The following GALNTL6 variants were observed in gnomAD, a reference collection of about 807,000 sequenced individuals.
GALNTL6 encodes polypeptide N-acetylgalactosaminyltransferase like 6, also known as polypeptide N-acetylgalactosaminyltransferase-like 6.
GALNTL6 carries 46 observed loss-of-function variants against 73.7 expected under a neutral mutation model. The ratio of observed to expected loss-of-function variants is 0.62; its 90% CI spans 0.49 to 0.80. The LOEUF is 0.80. GALNTL6 is among the 30% of genes least tolerant of loss of function. GALNTL6 has a pLI of 0.00. For synonymous variants in GALNTL6, 259 were observed against 263.7 expected, an observed-to-expected ratio of 0.98 and a Z score of 0.17; for missense variants, 604 against 755.0, an observed-to-expected ratio of 0.80 and a Z score of 2.34.
intron 2 of GALNTL6, among the ~76,000 whole-genome samples, chr4:171,862,183 T>C (rs6553594): frequency 0.75 from 113,903 of 152,030 alleles, 42,728 homozygotes; most frequent in South Asian, 0.84. Context: ...TCTTCAGAAA[T>C]AAATTAGAAT....
chr4:171,929,198 C>T (rs950795296), intron 2 of GALNTL6, among the ~76,000 whole-genome samples: 2 of 152,092 alleles, frequency 1.3e-5, no homozygotes, highest in Non-Finnish European at 2.9e-5. Flanking sequence ...TCCCAAGTAG[C>T]TGGGACTAGA....
At chr4:172,452,920 G>A (rs938665134) in intron 5 of GALNTL6, among the ~76,000 whole-genome samples, 8 of 152,152 alleles carry the variant, frequency 5.3e-5, no homozygotes, top group Non-Finnish European at 1.0e-4. Flanking sequence ...TAAGATGTGA[G>A]GGCCAGGTGC....
At chr4:172,204,148 G>T (rs1046729855) in intron 2 of GALNTL6, among the ~76,000 whole-genome samples, 1 of 152,136 alleles carries the variant, frequency 6.6e-6, no homozygotes, top group East Asian at 1.9e-4. Flanking sequence ...CAGAAATTGT[G>T]AAGTTTACTA....
At chr4:172,278,085 A>T (rs1465782663) in intron 3 of GALNTL6, among the ~76,000 whole-genome samples, 1 of 152,052 alleles carries the variant, frequency 6.6e-6, no homozygotes, top group Admixed American at 6.6e-5. Flanking sequence ...TCATTCATTG[A>T]TTTATATTAT....
chr4:171,904,919 A>C (rs961033599), intron 2 of GALNTL6, among the ~76,000 whole-genome samples: 3 of 152,138 alleles, frequency 2.0e-5, no homozygotes, highest in Non-Finnish European at 4.4e-5. Context: ...AGGAGAAATA[A>C]AATACTTTAC....
At chr4:172,436,760 AGTT>A (rs1196108465) in intron 5 of GALNTL6, among the ~76,000 whole-genome samples, 2 of 151,882 alleles carry the variant, frequency 1.3e-5, no homozygotes, top group African/African-American at 2.4e-5. Context: ...GTATTTCAGG[AGTT>A]GTTGTCATGT....
chr4:172,435,461 CTG>C (rs531554779), intron 5 of GALNTL6, among the ~76,000 whole-genome samples: 35 of 152,124 alleles, frequency 2.3e-4, no homozygotes, highest in Non-Finnish European at 4.7e-4. Flanking sequence ...GAAATAGGAT[CTG>C]TGAGACGTTG....
At chr4:172,300,808 C>G (rs1739885462) in intron 3 of GALNTL6, among the ~76,000 whole-genome samples, 1 of 152,074 alleles carries the variant, frequency 6.6e-6, no homozygotes. Context: ...ACATTTTTTC[C>G]TTCATTTCAA....
chr4:171,872,601 A>T (rs912538180), intron 2 of GALNTL6, among the ~76,000 whole-genome samples: 4 of 152,184 alleles, frequency 2.6e-5, no homozygotes, highest in African/African-American at 7.2e-5. Context: ...GTGTTGGCAG[A>T]GCCACACTCC....
At chr4:173,001,617 T>A (rs1419365154) in intron 10 of GALNTL6, among the ~76,000 whole-genome samples, 1 of 152,232 alleles carries the variant, frequency 6.6e-6, no homozygotes, top group East Asian at 1.9e-4. Flanking sequence ...AAGTCATATA[T>A]CTGATAAGGG....
chr4:172,669,950 T>A (rs1731881993), intron 5 of GALNTL6, among the ~76,000 whole-genome samples: 1 of 152,166 alleles, frequency 6.6e-6, no homozygotes, highest in South Asian at 2.1e-4. Context: ...TTAGTTTTCT[T>A]CTAAGGATAA....
chr4:172,100,557 A>G (rs1295069521), intron 2 of GALNTL6, among the ~76,000 whole-genome samples: 1 of 152,200 alleles, frequency 6.6e-6, no homozygotes, highest in Non-Finnish European at 1.5e-5. Context: ...GTAAAGCTGT[A>G]TGAGAAATTC....
At chr4:171,859,889 A>T (rs555795527) in intron 2 of GALNTL6, among the ~76,000 whole-genome samples, 1 of 152,314 alleles carries the variant, frequency 6.6e-6, no homozygotes, top group East Asian at 1.9e-4. Flanking sequence ...TGGTTAAGGT[A>T]AACTTATCTG....
Position 172,212,884 on chromosome 4 carries a change from T to G in GALNTL6, c.139-16772T>G, listed in dbSNP as rs1391983027. ...CAGGGTTTCTCCATGTTGGTCAGGC[T>G]GTTCTCGAACTCCCGACCTCAAGTG... is the stretch of plus-strand genomic sequence containing the variant. On this transcript the variant is annotated intron_variant, in intron 2 of 12. Transcript: ENST00000506823. Among the ~76,000 whole-genome samples the G allele has an allele frequency of 2.0e-5, 3 of 151,904 alleles. No individual in the cohort carries two copies. The East Asian group carries it at 5.8e-4, about 30-fold the overall frequency.
chr4:172,683,049 A>C (rs1732716354), intron 5 of GALNTL6, among the ~76,000 whole-genome samples: 1 of 152,202 alleles, frequency 6.6e-6, no homozygotes. Flanking sequence ...AGTGCAAAAC[A>C]GGGACACGAA....
At chr4:171,930,710 C>T (rs1738155769) in intron 2 of GALNTL6, among the ~76,000 whole-genome samples, 1 of 152,238 alleles carries the variant, frequency 6.6e-6, no homozygotes. Flanking sequence ...GTGGTGGGCT[C>T]CTGTAGTCCC....
chr4:172,461,387 T>A (rs1040464169), intron 5 of GALNTL6, among the ~76,000 whole-genome samples: 16 of 152,114 alleles, frequency 1.1e-4, no homozygotes, highest in African/African-American at 3.9e-4. Flanking sequence ...TTTTTTCTCA[T>A]AAGGGAAGAT....
intron 7 of GALNTL6, among the ~76,000 whole-genome samples, chr4:172,816,046 C>T (rs560512515): frequency 6.6e-6 from 1 of 152,314 alleles, no homozygotes; most frequent in African/African-American, 2.4e-5. Flanking sequence ...AAACTTGCTT[C>T]TCTAGCTGTA....
At chr4:171,852,564 A>T (rs1327485362) in intron 2 of GALNTL6, among the ~76,000 whole-genome samples, 1 of 151,462 alleles carries the variant, frequency 6.6e-6, no homozygotes, top group African/African-American at 2.4e-5. Flanking sequence ...CTTTATATTT[A>T]TTTATATAAT....
Sources: gnomAD v4.1 joint callset for allele counts (sites outside exome capture counted in the v4.1 genomes callset) on GRCh38, gnomAD v4.1.1 for gene constraint, MANE v1.5 for transcripts, NCBI Gene and HGNC (gene_info 2026-07-23, HGNC 2026-07-21) for gene names.